The following SGCZ variants were observed in gnomAD, a reference collection of about 807,000 sequenced individuals.
SGCZ encodes zeta-sarcoglycan.
Under a neutral mutation model 41.3 loss-of-function variants are expected in SGCZ, and 40 were observed. The observed-to-expected ratio is 0.97, with a 90% CI of 0.75 to 1.26. The LOEUF (loss-of-function observed/expected upper bound fraction) is 1.26. Among genes scored for constraint, SGCZ ranks in the 50% most tolerant of loss-of-function variants. The probability of loss-of-function intolerance (pLI) is 0.00; values close to 1 mark genes in which losing one functional copy is unlikely to be tolerated. For synonymous variants in SGCZ, 206 were observed against 137.5 expected (o/e 1.50, Z -3.49); for missense variants, 552 against 369.8 (o/e 1.49, Z -4.04).
chr8:15,091,876 G>A (rs928529428), intron 1 of SGCZ, among the ~76,000 whole-genome samples: 11 of 151,896 alleles, frequency 7.2e-5, no homozygotes, highest in Non-Finnish European at 1.3e-4. Flanking sequence ...CCTCAGCCTC[G>A]AAAGTAGCTG....
At chr8:14,761,064 C>G (rs1402261941) in intron 1 of SGCZ, among the ~76,000 whole-genome samples, 1 of 152,142 alleles carries the variant, frequency 6.6e-6, no homozygotes, top group East Asian at 1.9e-4. Flanking sequence ...CTATTATTTT[C>G]ACAGAGTAAT....
intron 1 of SGCZ, among the ~76,000 whole-genome samples, chr8:15,057,162 T>C (rs1247874133): frequency 6.6e-6 from 1 of 152,164 alleles, no homozygotes; most frequent in Admixed American, 6.5e-5. Flanking sequence ...GGGAAGAACA[T>C]ATGGGAAGTA....
chr8:14,896,644 T>C (rs1429384949), intron 1 of SGCZ, among the ~76,000 whole-genome samples: 1 of 151,472 alleles, frequency 6.6e-6, no homozygotes, highest in African/African-American at 2.4e-5. Flanking sequence ...ACCTGGCTAA[T>C]TTCCGTATTT....
intron 5 of SGCZ, among the ~76,000 whole-genome samples, chr8:14,133,665 T>A (rs1346080352): frequency 6.6e-6 from 1 of 151,928 alleles, no homozygotes; most frequent in Non-Finnish European, 1.5e-5. Flanking sequence ...TTTTTTACTA[T>A]TTTTTTTAAT....
chr8:14,642,362 A>T (rs1046899244), intron 1 of SGCZ, among the ~76,000 whole-genome samples: 1 of 151,608 alleles, frequency 6.6e-6, no homozygotes, highest in Admixed American at 6.6e-5. Flanking sequence ...GAAAAAGTCT[A>T]AGAGATGGTC....
At chr8:14,866,661 T>G (rs893264011) in intron 1 of SGCZ, among the ~76,000 whole-genome samples, 4 of 151,942 alleles carry the variant, frequency 2.6e-5, no homozygotes, top group African/African-American at 9.7e-5. Context: ...ATACAAAGAA[T>G]GAGCTGGGCA....
chr8:14,905,769 C>A (rs550581857), intron 1 of SGCZ, among the ~76,000 whole-genome samples: 2 of 151,428 alleles, frequency 1.3e-5, no homozygotes, highest in Non-Finnish European at 2.9e-5. Flanking sequence ...TAGACAGACA[C>A]TCAATTAAAC....
intron 2 of SGCZ, among the ~76,000 whole-genome samples, chr8:14,449,495 T>A (rs1020876): frequency 6.6e-6 from 1 of 151,984 alleles, no homozygotes; most frequent in Non-Finnish European, 1.5e-5. Flanking sequence ...CTTAATGACA[T>A]AATCATGTTC....
At chr8:15,218,145 G>C (rs1057238516) in intron 1 of SGCZ, among the ~76,000 whole-genome samples, 2 of 152,062 alleles carry the variant, frequency 1.3e-5, no homozygotes, top group Admixed American at 6.6e-5. Context: ...TTTGTGGGTT[G>C]AGAGGAAACT....
intron 1 of SGCZ, among the ~76,000 whole-genome samples, chr8:15,050,554 C>T (rs915638288): frequency 7.9e-5 from 12 of 152,196 alleles, no homozygotes; most frequent in South Asian, 2.1e-4. Flanking sequence ...TATGAGTATG[C>T]GCAGTTGAAG....
At chr8:14,662,483 C>A (rs770830050) in intron 1 of SGCZ, among the ~76,000 whole-genome samples, 1 of 152,124 alleles carries the variant, frequency 6.6e-6, no homozygotes, top group Non-Finnish European at 1.5e-5. Flanking sequence ...GCAGTCTCAT[C>A]CAGTTGGAAA....
At chr8:14,227,661 G>C (rs34711557) in intron 4 of SGCZ, among the ~76,000 whole-genome samples, 36,055 of 151,922 alleles carry the variant, frequency 0.24, 5,513 homozygotes, top group Non-Finnish European at 0.34. Flanking sequence ...AATCTGAAGA[G>C]ATTTGGGTAA....
At position 15,231,527 on chromosome 8, in the gene SGCZ, A is replaced by G. The variant is rs528893205; in HGVS notation, c.39+6058T>C. Among the ~76,000 whole-genome samples, 6 of 151,902 alleles carry G rather than the reference A, an allele frequency of 3.9e-5. No homozygotes were observed. In the South Asian group the frequency reaches 1.2e-3, roughly 32 times the overall value. ...GTCTCTCATCAGTTTCACTGAGAAT[A>G]TAGATAAACCCATGTTTCTAGACAT... On this transcript the variant is annotated intron_variant, in intron 1 of 7. Transcript: ENST00000382080.
chr8:15,085,690 C>A (rs570345184), intron 1 of SGCZ, among the ~76,000 whole-genome samples: 77 of 152,238 alleles, frequency 5.1e-4, no homozygotes, highest in African/African-American at 1.8e-3. Context: ...TTGATTTCTC[C>A]TGGATATTCT....
intron 1 of SGCZ, among the ~76,000 whole-genome samples, chr8:14,793,119 T>C (rs1034759673): frequency 6.6e-6 from 1 of 152,202 alleles, no homozygotes. Flanking sequence ...ACTCACACAG[T>C]CAGATATTTA....
At chr8:14,176,891 T>C (rs1563168122) in intron 4 of SGCZ, among the ~76,000 whole-genome samples, 1 of 152,190 alleles carries the variant, frequency 6.6e-6, no homozygotes, top group Non-Finnish European at 1.5e-5. Context: ...GCTCTCCTGT[T>C]GCCATCCAGG....
At chr8:14,797,600 T>C (rs1801177723) in intron 1 of SGCZ, among the ~76,000 whole-genome samples, 1 of 152,116 alleles carries the variant, frequency 6.6e-6, no homozygotes, top group Non-Finnish European at 1.5e-5. Flanking sequence ...GGGAGAGAAA[T>C]TCAAACCTAC....
chr8:14,811,834 A>C (rs1228263345), intron 1 of SGCZ, among the ~76,000 whole-genome samples: 1 of 152,046 alleles, frequency 6.6e-6, no homozygotes, highest in African/African-American at 2.4e-5. Context: ...AGAATCTTGG[A>C]AACTGAATGT....
intron 1 of SGCZ, among the ~76,000 whole-genome samples, chr8:15,117,432 A>G (rs1341097163): frequency 6.6e-6 from 1 of 152,206 alleles, no homozygotes; most frequent in Non-Finnish European, 1.5e-5. Context: ...AGCAAATATT[A>G]TCTCCAACAA....
Sources: gnomAD v4.1 joint callset for allele counts (sites outside exome capture counted in the v4.1 genomes callset) on GRCh38, gnomAD v4.1.1 for gene constraint, MANE v1.5 for transcripts, NCBI Gene and HGNC (gene_info 2026-07-23, HGNC 2026-07-21) for gene names.